MED23: variants seen among roughly 807,000 people sequenced by gnomAD.
MED23 encodes mediator of RNA polymerase II transcription subunit 23.
In MED23, 105 loss-of-function variants were observed where a neutral mutation model predicts 163.9. That is an observed-to-expected ratio of 0.64 (90% confidence interval 0.55 to 0.75). The LOEUF is 0.75. MED23 is among the 30% of genes least tolerant of loss of function. The probability of loss-of-function intolerance (pLI) is 0.00; values close to 1 mark genes in which losing one functional copy is unlikely to be tolerated. For missense variants in MED23, 1,054 were observed against 1,649.0 expected, an observed-to-expected ratio of 0.64 and a Z score of 6.25; for synonymous variants, 561 against 565.6, an observed-to-expected ratio of 0.99 and a Z score of 0.12.
chr6:131,584,268 G>A (rs1319225383), downstream of MED23: 2 of 249,962 alleles, frequency 8.0e-6, no homozygotes, highest in African/African-American at 2.3e-5. Flanking sequence ...ATGTGGAAAG[G>A]TACTATGTGT....
chr6:131,615,207 G>A (rs1776585886), intron 10 of MED23: 16 of 1,169,610 alleles, frequency 1.4e-5, no homozygotes, highest in Non-Finnish European at 2.0e-5. Context: ...CTTGGTCTCA[G>A]CATGGTCCTG....
downstream of MED23, among the ~76,000 whole-genome samples, chr6:131,581,793 A>G (rs1773939786): frequency 6.6e-6 from 1 of 152,158 alleles, no homozygotes; most frequent in Admixed American, 6.5e-5. Flanking sequence ...GTCCTTCTAT[A>G]TCATAGAGGC....
At position 131,606,527 on chromosome 6, in the gene MED23, T is replaced by C. The variant is rs754024456; in HGVS notation, c.1319A>G (p.Asn440Ser). 4 of 1,613,620 alleles carry C rather than the reference T, an allele frequency of 2.5e-6. No individual in the cohort carries two copies. Among genetic ancestry groups the C allele is most frequent in the East Asian group, 2.2e-5 (1 of 44,804 alleles). The change falls in exon 13 of 29, where the codon AAC (asparagine) becomes AGC (serine). Residue 440 changes from asparagine (N) to serine (S), a missense_variant. Coordinates refer to ENST00000368068, the MANE Select transcript of MED23 (RefSeq NM_004830.4). ...AGGTATTGGAATCTGTAGCTTGGAG[T>C]TGTCATTTTGAGCTTTTCTATTGAG... ...IHLNRKAQND[N>S]SKLQIPIPHS...
At chr6:131,621,308 T>C (rs1408001284) in intron 6 of MED23, among the ~76,000 whole-genome samples, 1 of 152,036 alleles carries the variant, frequency 6.6e-6, no homozygotes, top group Non-Finnish European at 1.5e-5. Flanking sequence ...GAGTAGATTT[T>C]AAGTGTTATC....
chr6:131,599,542 T>C (rs536133414), intron 18 of MED23, among the ~76,000 whole-genome samples: 97 of 152,354 alleles, frequency 6.4e-4, no homozygotes, highest in Non-Finnish European at 1.2e-3. Flanking sequence ...TCAGGTACTA[T>C]GTTAATTTTC....
chr6:131,615,503 C>CAAAAAAAAAAAAAAAAAAAA lies in MED23; in HGVS notation c.876+384_876+403dup, dbSNP rs917020235. On this transcript the variant is annotated intron_variant, in intron 10 of 28. Coordinates refer to ENST00000368068, the MANE Select transcript of MED23 (RefSeq NM_004830.4). Reference sequence around the variant, plus strand: ...CCACCAAAAACAAGCAAACACACACCAAAAAAAAAAAAAAAAAAAAAAAAA... The same window carrying CAAAAAAAAAAAAAAAAAAAA: ...CCACCAAAAACAAGCAAACACACACCAAAAAAAAAAAAAAAAAAAAAAAAAAAAAAAAAAAAAAAAAAAAA... Among the ~76,000 whole-genome samples, 8 of 14,160 alleles carry CAAAAAAAAAAAAAAAAAAAA rather than the reference C, an allele frequency of 5.6e-4. 3 individuals carry two copies. Among genetic ancestry groups the CAAAAAAAAAAAAAAAAAAAA allele is most frequent in the African/African-American group, 9.1e-4 (3 of 3,308 alleles). The allele number at this position is 14,160 out of a possible 152,430, so 9.3% of individuals were successfully genotyped here. A position where few individuals can be genotyped will look rare whatever the true frequency, so the allele number is the denominator to read the frequency against.
At position 131,594,105 on chromosome 6, in the gene MED23, C is replaced by G; in HGVS notation, c.3226G>C (p.Val1076Leu). The G allele has an allele frequency of 6.2e-7, 1 of 1,611,258 alleles. No homozygotes were observed. Among genetic ancestry groups the G allele is most frequent in the Non-Finnish European group, 8.5e-7 (1 of 1,177,600 alleles). The change falls in exon 23 of 29, where the codon GTC becomes CTC. Residue 1076 changes from valine (V) to leucine (L), a missense_variant. Val to Leu is a conservative substitution (Grantham distance 32). Coordinates refer to ENST00000368068, the MANE Select transcript of MED23 (RefSeq NM_004830.4). ...ATCACAATAAAAAGGATATTATCGA[C>G]TAGTCTGCCAATCAATCTGCAATAG... The part of the protein sequence containing the change: ...TYYCRLIGRL[V>L]DTMAGKSPGP...
chr6:131,596,841 C>T (rs527518486), intron 20 of MED23, among the ~76,000 whole-genome samples, 153 bp from the exon 21 acceptor site: 2 of 152,290 alleles, frequency 1.3e-5, no homozygotes, highest in South Asian at 4.1e-4. Flanking sequence ...TCAGTATTCC[C>T]CAAACATATA....
intron 26 of MED23, 63 bp downstream of exon 26, chr6:131,591,250 T>C (rs1397569972): frequency 3.1e-6 from 4 of 1,299,450 alleles, no homozygotes; most frequent in East Asian, 4.7e-5. Flanking sequence ...AGTGCTGGGA[T>C]TACAGGCATG....
chr6:131,575,135 C>G (rs956018102), intron 30 of MED23, among the ~76,000 whole-genome samples: 1 of 152,066 alleles, frequency 6.6e-6, no homozygotes, highest in Non-Finnish European at 1.5e-5. Flanking sequence ...AAAAAGAATT[C>G]TAGAAAATTT....
At chr6:131,618,338 C>G in intron 9 of MED23, 69 bp downstream of exon 9, 1 of 1,003,802 alleles carries the variant, frequency 1.0e-6, no homozygotes, top group Non-Finnish European at 1.6e-6. Context: ...AATTTAGCAT[C>G]ACATATCTTA....
intron 8 of MED23, among the ~76,000 whole-genome samples, chr6:131,618,946 A>C (rs1036482408): frequency 1.3e-5 from 2 of 152,254 alleles, no homozygotes; most frequent in Admixed American, 1.3e-4. Flanking sequence ...TAAGACCACT[A>C]GTCCAGTGTC....
intron 18 of MED23, among the ~76,000 whole-genome samples, chr6:131,599,200 C>T (rs1016583597): frequency 6.6e-6 from 1 of 152,176 alleles, no homozygotes; most frequent in Non-Finnish European, 1.5e-5. Flanking sequence ...ATTCTCAGAC[C>T]TTATCCCAGA....
chr6:131,593,089 G>A lies in MED23; in HGVS notation c.3315C>T (p.Leu1105=). 1 of 1,614,200 alleles carries A rather than the reference G, an allele frequency of 6.2e-7. No homozygotes were observed. The highest frequency in any genetic ancestry group is 8.5e-7 in the Non-Finnish European group (1 of 1,180,032). Reference sequence around the variant, plus strand: ...CCATGAGCTCCACACAAGTAACATGGAGAGCATGGGCAGCTGGGTTGGGAA... The same window carrying A: ...CCATGAGCTCCACACAAGTAACATGAAGAGCATGGGCAGCTGGGTTGGGAA... ...NEFPNPAAHA[L]HVTCVELMAL... Residue 1105 remains leucine (L), a synonymous_variant, in exon 24 of 29, where the codon CTC becomes CTT. Transcript: ENST00000368068.
In MED23 at chr6:131,594,351, CA is replaced by C; in HGVS notation, c.2996-17del. On this transcript the variant is annotated splice_polypyrimidine_tract_variant and intron_variant, in intron 22 of 28. Coordinates refer to ENST00000368068, the MANE Select transcript of MED23 (RefSeq NM_004830.4). ...ACTGGACGATCTGCCAAGAAAAAAA[CA>C]TACCACCACAATGTTTAACTGGTTA... The C allele has an allele frequency of 6.4e-7, 1 of 1,557,548 alleles. No individual in the cohort carries two copies. The highest frequency in any genetic ancestry group is 8.9e-7 in the Non-Finnish European group (1 of 1,128,518).
chr6:131,593,369 T>C (rs1050929195), intron 23 of MED23, among the ~76,000 whole-genome samples, 198 bp from the exon 24 acceptor site: 7 of 152,204 alleles, frequency 4.6e-5, no homozygotes, highest in Admixed American at 6.5e-5. Flanking sequence ...ATGGTTGGTC[T>C]TTCAGGTGGG....
At chr6:131,616,488 A>G (rs1776698725) in intron 9 of MED23, among the ~76,000 whole-genome samples, 1 of 152,178 alleles carries the variant, frequency 6.6e-6, no homozygotes, top group Non-Finnish European at 1.5e-5. Flanking sequence ...CTAGGCATGT[A>G]AGTATAGAAT....
chr6:131,623,760 T>G (rs1777285163), intron 4 of MED23, among the ~76,000 whole-genome samples: 1 of 152,160 alleles, frequency 6.6e-6, no homozygotes, highest in African/African-American at 2.4e-5. Flanking sequence ...TTGCCATTAT[T>G]CTAAGTTTCC....
At chr6:131,615,768 G>C in intron 10 of MED23, 139 bp downstream of exon 10, 3 of 699,164 alleles carry the variant, frequency 4.3e-6, no homozygotes, top group Non-Finnish European at 7.6e-6. Flanking sequence ...ATAATACATT[G>C]TTTAAAAAAC....
Sources: allele counts gnomAD v4.1 joint callset (sites outside exome capture counted in the v4.1 genomes callset), GRCh38; gene constraint gnomAD v4.1.1; transcripts MANE v1.5; gene names NCBI Gene and HGNC (gene_info 2026-07-23, HGNC 2026-07-21).